ADGRL2: variants seen among roughly 807,000 people sequenced by gnomAD.
ADGRL2 encodes the protein calcium-independent alpha-latrotoxin receptor 2.
Under a neutral mutation model 157.4 loss-of-function variants are expected in ADGRL2, and 44 were observed. The ratio of observed to expected loss-of-function variants is 0.28; its 90% confidence interval spans 0.22 to 0.36. ADGRL2 has a LOEUF of 0.36. Among genes scored for constraint, ADGRL2 ranks in the 10% least tolerant of loss-of-function variants. The pLI, the probability that ADGRL2 is intolerant of heterozygous loss-of-function variation, is 1.00. For synonymous variants in ADGRL2, 585 were observed against 624.7 expected (o/e 0.94, Z 0.95); for missense variants, 1,510 against 1,768.9 (o/e 0.85, Z 2.63).
In ADGRL2 at chr1:81,371,984, A is replaced by C. The variant is rs182232968; in HGVS notation, c.-302+65475A>C. 3.3e-5 allele frequency among the ~76,000 whole-genome samples: 5 copies of C among 152,342 alleles called. No individual in the cohort carries two copies. In the East Asian group the frequency reaches 9.6e-4, roughly 29 times the overall value. On this transcript the variant is annotated intron_variant, in intron 1 of 24. Transcript: ENST00000370721. ...TCTGTTGTAGGTACAGTTGACAGGC[A>C]GTCATGTGAGAAGGGTCAGTGTAGG...
chr1:81,897,031 C>T (rs2094402233), intron 2 of ADGRL2, among the ~76,000 whole-genome samples: 1 of 152,118 alleles, frequency 6.6e-6, no homozygotes, highest in African/African-American at 2.4e-5. Context: ...ATTTTTGTTC[C>T]TAGTATCCCA....
chr1:81,719,907 A>G (rs1022001488), intron 1 of ADGRL2, among the ~76,000 whole-genome samples: 3 of 152,214 alleles, frequency 2.0e-5, no homozygotes, highest in South Asian at 4.1e-4. Context: ...AAAATGTGAT[A>G]TGGGAGAAAA....
intron 1 of ADGRL2, among the ~76,000 whole-genome samples, chr1:81,813,607 A>G (rs2090093363): frequency 6.6e-6 from 1 of 151,774 alleles, no homozygotes; most frequent in Non-Finnish European, 1.5e-5. Flanking sequence ...AACAGCAATT[A>G]TATTTCAATA....
At chr1:81,307,032 T>C (rs1178947873) in intron 1 of ADGRL2, among the ~76,000 whole-genome samples, 1 of 152,254 alleles carries the variant, frequency 6.6e-6, no homozygotes, top group African/African-American at 2.4e-5. Flanking sequence ...GCCTGTCAGA[T>C]AGATTTATTC....
intron 3 of ADGRL2, among the ~76,000 whole-genome samples, chr1:81,646,806 TG>T (rs2082323850): frequency 6.6e-6 from 1 of 152,156 alleles, no homozygotes; most frequent in African/African-American, 2.4e-5. Context: ...ACATAGGCCC[TG>T]CCATGCCAGC....
intron 3 of ADGRL2, among the ~76,000 whole-genome samples, chr1:81,611,890 GA>G (rs2081548628): frequency 6.6e-6 from 1 of 152,046 alleles, no homozygotes; most frequent in Non-Finnish European, 1.5e-5. Context: ...GCTGGTGAGG[GA>G]GTTCTCACGA....
At chr1:81,770,413 G>A (rs1180664320) in intron 2 of ADGRL2, among the ~76,000 whole-genome samples, 1 of 151,008 alleles carries the variant, frequency 6.6e-6, no homozygotes, top group African/African-American at 2.4e-5. Context: ...CGCCCGCCTT[G>A]GCCTCTCAAA....
At chr1:81,565,597 A>G (rs376792834) in intron 2 of ADGRL2, among the ~76,000 whole-genome samples, 1 of 152,212 alleles carries the variant, frequency 6.6e-6, no homozygotes, top group Non-Finnish European at 1.5e-5. Context: ...TTCTGGCAGC[A>G]TGTGCTTCCC....
In ADGRL2 at chr1:81,772,101, T is replaced by C. The variant is rs138659374; in HGVS notation, c.-101+10249T>C. ...CCCGTCTCTACTAAAAATACAAACA[T>C]TAGCTGGGCATAGTGGCGGGCACCT... On this transcript the variant is annotated intron_variant, in intron 2 of 20. Transcript: ENST00000359929. Among the ~76,000 whole-genome samples, 760 of 151,954 alleles carry C rather than the reference T, an allele frequency of 5.0e-3. 7 individuals are homozygous for C. Among genetic ancestry groups the C allele is most frequent in the African/African-American group, 0.017 (723 of 41,440 alleles).
Position 81,991,348 on chromosome 1 carries a change from A to T in ADGRL2, c.*203A>T, listed in dbSNP as rs1572557839. ...ACTTTGTATATACACAGAGTATACT[A>T]AAGTGAATTATTTGTTACAAAGAAA... is the stretch of plus-strand genomic sequence containing the variant. On this transcript the variant is annotated 3_prime_UTR_variant, in exon 24 of 24. Transcript: ENST00000686636. 2.5e-6 allele frequency: 1 copy of T among 397,136 alleles called. No individual in the cohort carries two copies. 24.6% of individuals were successfully genotyped at this position (397,136 alleles called of 1,614,324 possible).
chr1:81,768,136 C>T (rs894517779), intron 2 of ADGRL2, among the ~76,000 whole-genome samples: 2 of 151,812 alleles, frequency 1.3e-5, no homozygotes, highest in Admixed American at 6.6e-5. Context: ...AACTTGAACT[C>T]CTGGGCTCAA....
intron 3 of ADGRL2, among the ~76,000 whole-genome samples, chr1:81,584,902 C>T (rs962107845): frequency 2.0e-5 from 3 of 152,194 alleles, no homozygotes; most frequent in Non-Finnish European, 4.4e-5. Flanking sequence ...GCTCTATTTT[C>T]TTGGGGCATT....
At chr1:81,786,519 T>C (rs1012291099) in intron 2 of ADGRL2, among the ~76,000 whole-genome samples, 3 of 152,192 alleles carry the variant, frequency 2.0e-5, no homozygotes, top group Non-Finnish European at 2.9e-5. Flanking sequence ...GAGGTTGCAG[T>C]GAGCCAAGAT....
chr1:81,893,132 C>T (rs1347096936), intron 2 of ADGRL2, among the ~76,000 whole-genome samples: 1 of 152,104 alleles, frequency 6.6e-6, no homozygotes, highest in Non-Finnish European at 1.5e-5. Context: ...TGGAGATAGG[C>T]ACAGTGCATA....
At chr1:81,583,004 C>T (rs1347859341) in intron 3 of ADGRL2, among the ~76,000 whole-genome samples, 1 of 152,178 alleles carries the variant, frequency 6.6e-6, no homozygotes, top group African/African-American at 2.4e-5. Context: ...TGTATAAGAA[C>T]ACTCCCATGT....
chr1:81,592,518 C>A (rs2081152637), intron 3 of ADGRL2, among the ~76,000 whole-genome samples: 1 of 152,192 alleles, frequency 6.6e-6, no homozygotes, highest in Non-Finnish European at 1.5e-5. Context: ...CCTCCCGAAT[C>A]TCAGCTTAGT....
intron 2 of ADGRL2, among the ~76,000 whole-genome samples, chr1:81,521,803 T>C (rs2079322070): frequency 6.6e-6 from 1 of 152,174 alleles, no homozygotes; most frequent in Non-Finnish European, 1.5e-5. Flanking sequence ...ATTAAATTCT[T>C]CTTTTCTTTT....
At chr1:81,661,834 T>C (rs925460282) in intron 3 of ADGRL2, among the ~76,000 whole-genome samples, 3 of 152,174 alleles carry the variant, frequency 2.0e-5, no homozygotes, top group African/African-American at 4.8e-5. Flanking sequence ...GGTGAATGTA[T>C]TGAAAACAAC....
intron 17 of ADGRL2, among the ~76,000 whole-genome samples, chr1:81,975,966 A>G (rs1660092456): frequency 6.6e-6 from 1 of 152,074 alleles, no homozygotes; most frequent in Non-Finnish European, 1.5e-5. Context: ...CAGCAACAAT[A>G]TTTATTCTAT....
Sources: gnomAD v4.1 joint callset for allele counts (sites outside exome capture counted in the v4.1 genomes callset) on GRCh38, gnomAD v4.1.1 for gene constraint, MANE v1.5 for transcripts, NCBI Gene and HGNC (gene_info 2026-07-23, HGNC 2026-07-21) for gene names.